The following HNMT variants were observed in gnomAD, a reference collection of about 807,000 sequenced individuals.
HNMT encodes histamine N-methyltransferase.
Under a neutral mutation model 32.1 loss-of-function variants are expected in HNMT, and 30 were observed. The ratio of observed to expected loss-of-function variants is 0.93; its 90% CI spans 0.70 to 1.27. The LOEUF (loss-of-function observed/expected upper bound fraction) is 1.27, where lower values mean the gene tolerates loss of function less well. Among genes scored for constraint, HNMT ranks in the 50% most tolerant of loss-of-function variants. The pLI is 0.00. For synonymous variants in HNMT, 125 were observed against 119.0 expected, an observed-to-expected ratio of 1.05 and a Z score of -0.33; for missense variants, 327 against 346.0, an observed-to-expected ratio of 0.95 and a Z score of 0.43.
intron 1 of HNMT, among the ~76,000 whole-genome samples, chr2:137,969,211 A>G (rs1259667703): frequency 6.6e-6 from 1 of 152,046 alleles, no homozygotes; most frequent in Non-Finnish European, 1.5e-5. Flanking sequence ...TCTTCTTTGT[A>G]TATTCTTCAC....
intron 2 of HNMT, chr2:137,992,016 G>T (rs568464405): frequency 1.6e-5 from 2 of 127,524 alleles, no homozygotes; most frequent in Non-Finnish European, 3.4e-5. Flanking sequence ...TGGAGTGGGG[G>T]AGCCCCCTCC....
intron 2 of HNMT, among the ~76,000 whole-genome samples, chr2:137,980,127 C>T (rs1680444318): frequency 6.6e-6 from 1 of 151,984 alleles, no homozygotes; most frequent in Non-Finnish European, 1.5e-5. Flanking sequence ...GCTCCACCAC[C>T]CAGGTTCATG....
chr2:137,981,468 C>A, intron 2 of HNMT: 2 of 1,013,226 alleles, frequency 2.0e-6, no homozygotes, highest in South Asian at 1.5e-5. Flanking sequence ...GTCTTCACAC[C>A]GCAGCTTCCC....
intron 2 of HNMT, among the ~76,000 whole-genome samples, chr2:137,972,695 C>T (rs1248874560): frequency 6.6e-6 from 1 of 152,096 alleles, no homozygotes; most frequent in South Asian, 2.1e-4. Context: ...ACAGTTATTT[C>T]CTGTGTGTTT....
chr2:138,013,686 G>T, intron 5 of HNMT, 89 bp from the exon 6 acceptor site: 1 of 897,966 alleles, frequency 1.1e-6, no homozygotes, highest in Non-Finnish European at 1.7e-6. Flanking sequence ...TTATTATTTT[G>T]TTCTATTCTA....
intron 2 of HNMT, among the ~76,000 whole-genome samples, chr2:137,997,118 G>T (rs934501680): frequency 2.6e-5 from 4 of 152,186 alleles, no homozygotes; most frequent in African/African-American, 9.7e-5. Context: ...CATGGGCAAA[G>T]ACTTCATGAC....
intron 4 of HNMT, chr2:138,002,770 G>T (rs1681213959): frequency 1.0e-6 from 1 of 967,668 alleles, no homozygotes; most frequent in Non-Finnish European, 1.2e-6. Flanking sequence ...TATATCATTG[G>T]ATGTTTATAT....
At chr2:137,968,940 T>C (rs1160127707) in intron 1 of HNMT, among the ~76,000 whole-genome samples, 8 of 152,212 alleles carry the variant, frequency 5.3e-5, no homozygotes, top group African/African-American at 1.9e-4. Flanking sequence ...TCATCTCTTT[T>C]CCTTCTCTCT....
intron 1 of HNMT, 72 bp downstream of exon 1, chr2:137,964,700 G>A (rs1449963003): frequency 1.3e-6 from 2 of 1,492,424 alleles, no homozygotes; most frequent in Non-Finnish European, 1.9e-6. Flanking sequence ...GATGGGTCTC[G>A]CTCAGCCTCG....
At chr2:137,972,638 T>A (rs1159177308) in intron 2 of HNMT, among the ~76,000 whole-genome samples, 4 of 152,164 alleles carry the variant, frequency 2.6e-5, no homozygotes, top group Non-Finnish European at 5.9e-5. Context: ...AAAATTATAA[T>A]AGTTATGAAT....
intron 2 of HNMT, among the ~76,000 whole-genome samples, chr2:137,987,601 CTTTTTTTTT>C (rs5834598): frequency 2.8e-5 from 2 of 70,284 alleles, no homozygotes; most frequent in East Asian, 5.5e-4. Context: ...ACAATGGCCA[CTTTTTTTTT>C]TTTTTTTTTT....
At chr2:137,988,096 G>T (rs570305784) in intron 2 of HNMT, among the ~76,000 whole-genome samples, 1 of 152,080 alleles carries the variant, frequency 6.6e-6, no homozygotes, top group South Asian at 2.1e-4. Context: ...TCCTGGAGCC[G>T]CAAAATTCAG....
chr2:138,000,992 G>A lies in HNMT; in HGVS notation c.265G>A (p.Glu89Lys), dbSNP rs1341417290. 6.2e-7 allele frequency: 1 copy of A among 1,608,398 alleles called. No homozygotes were observed. Among genetic ancestry groups the A allele is most frequent in the Admixed American group, 1.7e-5 (1 of 59,274 alleles). Residue 89 changes from glutamate (E) to lysine (K), a missense_variant, in exon 3 of 6, where the codon GAG becomes AAG. Coordinates refer to ENST00000280097, the MANE Select transcript of HNMT (RefSeq NM_006895.3). Reference sequence around the variant, plus strand: ...AGTTTGTATCAACAATGAAGTTGTTGAGCCAAGTGCTGAACAAATTGCCAA... The same window carrying A: ...AGTTTGTATCAACAATGAAGTTGTTAAGCCAAGTGCTGAACAAATTGCCAA... The part of the protein sequence containing the change: ...PGVCINNEVV[E>K]PSAEQIAKYK...
chr2:138,003,625 T>A (rs1297994694), intron 4 of HNMT, among the ~76,000 whole-genome samples: 1 of 152,056 alleles, frequency 6.6e-6, no homozygotes, highest in Non-Finnish European at 1.5e-5. Flanking sequence ...CTCACATAAC[T>A]ATTTCATAAC....
At chr2:138,006,511 A>G (rs967117213) in intron 5 of HNMT, among the ~76,000 whole-genome samples, 5 of 152,014 alleles carry the variant, frequency 3.3e-5, no homozygotes, top group Non-Finnish European at 7.4e-5. Flanking sequence ...TTAGCTTTCT[A>G]TAAGTATATA....
intron 2 of HNMT, among the ~76,000 whole-genome samples, chr2:137,976,817 C>T (rs1680301921): frequency 6.6e-6 from 1 of 151,892 alleles, no homozygotes; most frequent in African/African-American, 2.4e-5. Flanking sequence ...ATAATTTTAC[C>T]AAAATAGCTT....
intron 2 of HNMT, among the ~76,000 whole-genome samples, chr2:137,984,411 C>A (rs961335115): frequency 6.6e-6 from 1 of 152,194 alleles, no homozygotes; most frequent in Non-Finnish European, 1.5e-5. Context: ...GCAAGTCCAA[C>A]AAGCATCAGG....
chr2:137,976,841 G>C (rs948584112), intron 2 of HNMT, among the ~76,000 whole-genome samples: 4 of 152,100 alleles, frequency 2.6e-5, no homozygotes, highest in African/African-American at 9.7e-5. Flanking sequence ...CCATTGTATT[G>C]TATTTAAAAC....
chr2:137,967,252 A>T (rs1191782637), intron 1 of HNMT: 5 of 626,664 alleles, frequency 8.0e-6, no homozygotes, highest in Non-Finnish European at 1.4e-5. Flanking sequence ...CTCTACAAAA[A>T]AGTGAAAAAG....
Sources: gnomAD v4.1 joint callset for allele counts (sites outside exome capture counted in the v4.1 genomes callset) on GRCh38, gnomAD v4.1.1 for gene constraint, MANE v1.5 for transcripts, NCBI Gene and HGNC (gene_info 2026-07-23, HGNC 2026-07-21) for gene names.